The following SUMF1 variants were observed in gnomAD, a reference collection of about 807,000 sequenced individuals.
The protein encoded by SUMF1 is sulfatase modifying factor 1.
In SUMF1, 48 loss-of-function variants were observed where a neutral mutation model predicts 47.6. The ratio of observed to expected loss-of-function variants is 1.01; its 90% CI spans 0.80 to 1.28. The LOEUF (loss-of-function observed/expected upper bound fraction) is 1.28, where lower values mean the gene tolerates loss of function less well. Ranked by LOEUF, SUMF1 falls within the 50% of genes most tolerant of loss-of-function variation. SUMF1 has a pLI of 0.00. For missense variants in SUMF1, 571 were observed against 485.4 expected, an observed-to-expected ratio of 1.18 and a Z score of -1.66; for synonymous variants, 230 against 192.1, an observed-to-expected ratio of 1.20 and a Z score of -1.63.
intron 8 of SUMF1, among the ~76,000 whole-genome samples, chr3:4,274,328 G>C (rs576821587): frequency 6.6e-6 from 1 of 152,126 alleles, no homozygotes; most frequent in Non-Finnish European, 1.5e-5. Context: ...GGGGCAAAGG[G>C]AGAAGTGAGG....
chr3:4,295,654 T>C (rs1275311548), intron 8 of SUMF1, among the ~76,000 whole-genome samples: 2 of 152,200 alleles, frequency 1.3e-5, no homozygotes, highest in Non-Finnish European at 2.9e-5. Context: ...TGTTCATATG[T>C]TTTCCGTGAG....
At chr3:4,277,879 A>C (rs1381920307) in intron 8 of SUMF1, among the ~76,000 whole-genome samples, 1 of 152,134 alleles carries the variant, frequency 6.6e-6, no homozygotes, top group Non-Finnish European at 1.5e-5. Context: ...CAAAGTTTTA[A>C]GGTATTGACG....
At chr3:4,335,960 C>CAAAAAAAA (rs770091674) in intron 8 of SUMF1, among the ~76,000 whole-genome samples, 6,183 of 73,558 alleles carry the variant, frequency 0.084, 541 homozygotes, top group Non-Finnish European at 0.12. Context: ...GATTCCAACT[C>CAAAAAAAA]AAAAAAAAAA....
At chr3:4,206,539 CA>C (rs1055362499) in intron 8 of SUMF1, among the ~76,000 whole-genome samples, 1 of 152,128 alleles carries the variant, frequency 6.6e-6, no homozygotes, top group African/African-American at 2.4e-5. Flanking sequence ...CTCCCAAACA[CA>C]GATTCTTTCT....
At chr3:4,147,923 C>T (rs982614416) in intron 8 of SUMF1, among the ~76,000 whole-genome samples, 1 of 151,938 alleles carries the variant, frequency 6.6e-6, no homozygotes. Context: ...GCTAATGACC[C>T]TTTTTTTTCC....
intron 8 of SUMF1, among the ~76,000 whole-genome samples, chr3:4,072,638 A>T (rs1303176055): frequency 1.3e-5 from 2 of 152,198 alleles, no homozygotes. Context: ...GTAGAACATA[A>T]ATGACCTGTT....
chr3:4,049,487 C>T (rs895446023), intron 9 of SUMF1, among the ~76,000 whole-genome samples: 16 of 152,142 alleles, frequency 1.1e-4, no homozygotes, highest in African/African-American at 3.9e-4. Flanking sequence ...GGAGAATTCC[C>T]TGACACCCCT....
intron 8 of SUMF1, among the ~76,000 whole-genome samples, chr3:4,350,369 ATAATTGTGTG>A (rs1559237579): frequency 1.3e-4 from 19 of 150,382 alleles, no homozygotes; most frequent in Non-Finnish European, 4.4e-5. Context: ...TTGTGTGTGT[ATAATTGTGTG>A]TGTATAATTG....
chr3:4,070,207 G>A (rs1265472502), intron 8 of SUMF1, among the ~76,000 whole-genome samples: 1 of 152,110 alleles, frequency 6.6e-6, no homozygotes. Context: ...TTTCTTAAAT[G>A]TATTTGATTG....
intron 8 of SUMF1, among the ~76,000 whole-genome samples, chr3:4,075,577 A>G (rs980405916): frequency 3.9e-5 from 6 of 152,128 alleles, no homozygotes; most frequent in Admixed American, 6.5e-5. Flanking sequence ...ACATGTTTAT[A>G]TATTTAGAAA....
chr3:4,368,812 A>C (rs562484925), intron 8 of SUMF1, among the ~76,000 whole-genome samples: 30 of 152,320 alleles, frequency 2.0e-4, no homozygotes, highest in African/African-American at 7.2e-4. Flanking sequence ...TGCCAAAAAT[A>C]ACCACGCTTG....
At chr3:4,271,809 T>TTTAAAACTAAA (rs1254115504) in intron 8 of SUMF1, among the ~76,000 whole-genome samples, 1 of 152,002 alleles carries the variant, frequency 6.6e-6, no homozygotes, top group Non-Finnish European at 1.5e-5. Context: ...ATGCCATCAA[T>TTTAAAACTAAA]TTAAACATTA....
At chr3:4,222,607 C>T (rs968676838) in intron 8 of SUMF1, among the ~76,000 whole-genome samples, 2 of 152,042 alleles carry the variant, frequency 1.3e-5, no homozygotes, top group Non-Finnish European at 2.9e-5. Context: ...GAGGGCCTGT[C>T]ATCATCATCT....
intron 8 of SUMF1, among the ~76,000 whole-genome samples, chr3:4,200,124 A>G (rs1473833051): frequency 6.7e-6 from 1 of 148,694 alleles, no homozygotes; most frequent in Non-Finnish European, 1.5e-5. Context: ...ATTTAGATCT[A>G]TGATCCACTT....
chr3:4,122,434 T>C (rs1456191342), intron 8 of SUMF1, among the ~76,000 whole-genome samples: 1 of 152,274 alleles, frequency 6.6e-6, no homozygotes, highest in East Asian at 1.9e-4. Flanking sequence ...TTTAATGGTA[T>C]AGAATTTTAT....
At chr3:4,318,762 G>T (rs1373070244) in intron 8 of SUMF1, among the ~76,000 whole-genome samples, 2 of 152,130 alleles carry the variant, frequency 1.3e-5, no homozygotes, top group African/African-American at 4.8e-5. Context: ...ACAAAAATAA[G>T]CTGGGCATAG....
chr3:4,312,540 C>A (rs1390363063), intron 8 of SUMF1, among the ~76,000 whole-genome samples: 2 of 151,524 alleles, frequency 1.3e-5, no homozygotes, highest in Admixed American at 6.6e-5. Flanking sequence ...TAAAATAAAA[C>A]CACAAATTCT....
At position 4,332,762 on chromosome 3, in the gene SUMF1, G is replaced by C. The variant is rs555049952; in HGVS notation, c.1014+43568C>G. On this transcript the variant is annotated intron_variant and NMD_transcript_variant, in intron 8 of 12. Coordinates refer to the SUMF1 transcript ENST00000448413. ...CTGGGTAGAAGAGAGCAGTTCCCTG[G>C]TAAAGGTCCCACCCTCAAGCCTGGA... Among the ~76,000 whole-genome samples the C allele has an allele frequency of 2.0e-5, 3 of 152,232 alleles. No individual in the cohort carries two copies. In the South Asian group the frequency reaches 6.2e-4, roughly 32 times the overall value.
chr3:4,086,879 G>C (rs930160611), intron 8 of SUMF1, among the ~76,000 whole-genome samples: 1 of 152,038 alleles, frequency 6.6e-6, no homozygotes, highest in African/African-American at 2.4e-5. Flanking sequence ...TGCCACATAA[G>C]ACATGCCTCT....
Sources: allele counts gnomAD v4.1 joint callset (sites outside exome capture counted in the v4.1 genomes callset), GRCh38; gene constraint gnomAD v4.1.1; transcripts MANE v1.5; gene names NCBI Gene and HGNC (gene_info 2026-07-23, HGNC 2026-07-21).